Variants in SCUBE2 observed in about 807,000 individuals in gnomAD.
SCUBE2 encodes the protein signal peptide, CUB domain and EGF like domain containing 2.
In SCUBE2, 114 loss-of-function variants were observed where a neutral mutation model predicts 125.9. The ratio of observed to expected loss-of-function variants is 0.91; its 90% confidence interval spans 0.78 to 1.06. The LOEUF is 1.06. Among genes scored for constraint, SCUBE2 ranks in the 50% least tolerant of loss-of-function variants. SCUBE2 has a pLI of 0.00. For synonymous variants in SCUBE2, 459 were observed against 492.9 expected, an observed-to-expected ratio of 0.93 and a Z score of 0.91; for missense variants, 1,255 against 1,301.8, an observed-to-expected ratio of 0.96 and a Z score of 0.55.
chr11:9,041,050 G>C (rs572269362), intron 16 of SCUBE2, among the ~76,000 whole-genome samples: 1 of 152,204 alleles, frequency 6.6e-6, no homozygotes, highest in Non-Finnish European at 1.5e-5. Flanking sequence ...AAAGACTATA[G>C]GACAAATGGA....
intron 8 of SCUBE2, among the ~76,000 whole-genome samples, chr11:9,060,145 C>T (rs1429371797): frequency 6.6e-6 from 1 of 152,028 alleles, no homozygotes; most frequent in Admixed American, 6.5e-5. Flanking sequence ...CTAATAAGGC[C>T]ACTGTCTGAA....
chr11:9,089,456 T>C (rs533895072), intron 2 of SCUBE2, among the ~76,000 whole-genome samples: 1 of 152,320 alleles, frequency 6.6e-6, no homozygotes, highest in South Asian at 2.1e-4. Flanking sequence ...CTAACACATC[T>C]CTTTTCTTTT....
Position 9,022,020 on chromosome 11 carries a change from C to A in SCUBE2, c.2855-65G>T. On this transcript the variant is annotated intron_variant, in intron 21 of 22. Coordinates refer to ENST00000649792, the MANE Select transcript of SCUBE2 (RefSeq NM_001367977.2). ...AGTTGCTTCCAAACTCACTCTTTCA[C>A]TTTTTGATAAGGTTCTGAGAAATGC... 2.5e-6 allele frequency: 3 copies of A among 1,221,496 alleles called. No homozygotes were observed. The South Asian group carries it at 3.7e-5, about 15-fold the overall frequency. 75.7% of individuals were successfully genotyped at this position (1,221,496 alleles called of 1,614,324 possible).
At chr11:9,035,597 C>A (rs916270193) in intron 16 of SCUBE2, among the ~76,000 whole-genome samples, 1 of 152,062 alleles carries the variant, frequency 6.6e-6, no homozygotes, top group Admixed American at 6.5e-5. Flanking sequence ...CAAGGGAGAT[C>A]GGTTTTCATC....
intron 2 of SCUBE2, among the ~76,000 whole-genome samples, chr11:9,089,029 A>G (rs1862376764): frequency 6.6e-6 from 1 of 152,198 alleles, no homozygotes; most frequent in African/African-American, 2.4e-5. Context: ...ATCTCCAGGA[A>G]CAGCCTCGAG....
chr11:9,050,353 TC>T (rs1383388585), intron 14 of SCUBE2: 3 of 398,094 alleles, frequency 7.5e-6, no homozygotes, highest in Non-Finnish European at 1.3e-5. Flanking sequence ...CTCGTGGGTT[TC>T]CCCAGAGCCT....
Position 9,079,507 on chromosome 11 carries a change from T to C in SCUBE2, c.259A>G (p.Ile87Val), listed in dbSNP as rs1861466555. The C allele has an allele frequency of 6.2e-7, 1 of 1,613,554 alleles. No individual in the cohort carries two copies. Among genetic ancestry groups the C allele is most frequent in the Non-Finnish European group, 8.5e-7 (1 of 1,179,838 alleles). Residue 87 changes from isoleucine (I) to valine (V), a missense_variant and splice_region_variant, in exon 3 of 23, where the codon ATC (isoleucine) becomes GTC (valine). By Grantham distance (29) the Ile-to-Val change is conservative. Coordinates refer to ENST00000649792, the MANE Select transcript of SCUBE2 (RefSeq NM_001367977.2). Reference sequence around the variant, plus strand: ...TTGAGCTCATTTCCACATTCATCGATGTCTGAGGAATAAAACAGAAGTAAA... The same window carrying C: ...TTGAGCTCATTTCCACATTCATCGACGTCTGAGGAATAAAACAGAAGTAAA... ...YQGEGRQCED[I>V]DECGNELNGG...
At chr11:9,069,239 G>A (rs779428077) in intron 5 of SCUBE2, 131 bp downstream of exon 5, 75 of 1,115,504 alleles carry the variant, frequency 6.7e-5, no homozygotes, top group African/African-American at 1.2e-4. Context: ...GGTAGAGGTC[G>A]GTATCCCGTG....
intron 7 of SCUBE2, among the ~76,000 whole-genome samples, chr11:9,061,644 A>G (rs752384475): frequency 6.6e-6 from 1 of 152,166 alleles, no homozygotes; most frequent in East Asian, 1.9e-4. Context: ...TAGTACATGT[A>G]TGTTTATCTC....
At chr11:9,074,381 A>G (rs1307942177) in intron 4 of SCUBE2, 100 bp downstream of exon 4, 4 of 1,458,660 alleles carry the variant, frequency 2.7e-6, no homozygotes, top group Admixed American at 4.0e-5. Flanking sequence ...CAGACTTTCT[A>G]TACCCTGTGC....
At position 9,020,985 on chromosome 11, in the gene SCUBE2, A is replaced by G. The variant is rs3751061; in HGVS notation, c.*60T>C. 1.1e-4 allele frequency: 165 copies of G among 1,506,772 alleles called. 1 individual carries two copies. The East Asian group carries it at 2.1e-3, about 19-fold the overall frequency. 93.3% of individuals were successfully genotyped at this position (1,506,772 alleles called of 1,614,324 possible). On this transcript the variant is annotated 3_prime_UTR_variant, in exon 23 of 23. Transcript: ENST00000649792. ...GACTGTGCTGACATGCAGAAGGAAG[A>G]CAGCTCTGTCCCACCAACCCTATAG...
chr11:9,055,426 G>A (rs1262965970), intron 10 of SCUBE2, among the ~76,000 whole-genome samples: 1 of 152,208 alleles, frequency 6.6e-6, no homozygotes, highest in Non-Finnish European at 1.5e-5. Context: ...TGCCCCCCAA[G>A]CCTCTCTGAG....
chr11:9,090,313 G>A (rs1281471225), intron 1 of SCUBE2: 1 of 154,336 alleles, frequency 6.5e-6, no homozygotes, highest in Non-Finnish European at 1.5e-5. Context: ...GGACCAAACG[G>A]ACAGACAAGC....
Position 9,052,795 on chromosome 11 carries a change from G to A in SCUBE2, c.1485C>T (p.Ser495=), listed in dbSNP as rs1315669106. ...QGAYSVTCGS[S]SPLRNKQQKS... ...TTTGTTGTTTGTTCCTGAGAGGAGAGGAAGAGCCACAGGTGACAGAGTAGG... is the reference window on the plus strand; with the variant it reads ...TTTGTTGTTTGTTCCTGAGAGGAGAAGAAGAGCCACAGGTGACAGAGTAGG... Residue 495 remains serine (S), a synonymous_variant, in exon 13 of 23, where the codon TCC becomes TCT. Coordinates refer to ENST00000649792, the MANE Select transcript of SCUBE2 (RefSeq NM_001367977.2). 1 of 1,537,190 alleles carries A rather than the reference G, an allele frequency of 6.5e-7. No individual in the cohort carries two copies. The highest frequency in any genetic ancestry group is 1.2e-5 in the South Asian group (1 of 84,052).
chr11:9,046,676 A>T (rs1857811802), intron 16 of SCUBE2, among the ~76,000 whole-genome samples: 1 of 152,212 alleles, frequency 6.6e-6, no homozygotes, highest in East Asian at 1.9e-4. Context: ...TTTAAATGAG[A>T]ACAGATCAAC....
At chr11:9,025,666 G>A in intron 21 of SCUBE2, 36 bp downstream of exon 21, 1 of 1,611,854 alleles carries the variant, frequency 6.2e-7, no homozygotes, top group East Asian at 2.2e-5. Context: ...GTTCAAAGCA[G>A]AGACGCTCTT....
At chr11:9,066,909 T>C in intron 5 of SCUBE2, 96 bp from the exon 6 acceptor site, 3 of 1,024,776 alleles carry the variant, frequency 2.9e-6, no homozygotes, top group South Asian at 1.4e-5. Context: ...ATTCTGCAAG[T>C]ATTTGAGCAC....
chr11:9,039,604 G>A (rs1566180377), intron 16 of SCUBE2, among the ~76,000 whole-genome samples: 1 of 152,134 alleles, frequency 6.6e-6, no homozygotes, highest in Non-Finnish European at 1.5e-5. Context: ...TTGACAAGAT[G>A]ATCCACCGGG....
At chr11:9,088,715 A>C (rs2136019312) in intron 2 of SCUBE2, among the ~76,000 whole-genome samples, 1 of 152,318 alleles carries the variant, frequency 6.6e-6, no homozygotes, top group South Asian at 2.1e-4. Flanking sequence ...TCCAGGAGCA[A>C]GGAGGGATAC....
Sources: gnomAD v4.1 joint callset for allele counts (sites outside exome capture counted in the v4.1 genomes callset) on GRCh38, gnomAD v4.1.1 for gene constraint, MANE v1.5 for transcripts, NCBI Gene and HGNC (gene_info 2026-07-23, HGNC 2026-07-21) for gene names.